The following CD276 variants were observed in gnomAD, a reference collection of about 807,000 sequenced individuals.
CD276 encodes CD276 molecule, also known as CD276 antigen.
Under a neutral mutation model 50.0 loss-of-function variants are expected in CD276, and 34 were observed. That is an observed-to-expected ratio of 0.68 (90% CI 0.52 to 0.91). CD276 has a LOEUF of 0.91. CD276 is among the 40% of genes least tolerant of loss of function. The pLI is 0.00. For missense variants in CD276, 634 were observed against 717.5 expected (o/e 0.88, Z 1.33); for synonymous variants, 275 against 313.0 (o/e 0.88, Z 1.28).
chr15:73,701,731 GA>G (rs1004138815), intron 2 of CD276, among the ~76,000 whole-genome samples: 2 of 150,056 alleles, frequency 1.3e-5, no homozygotes, highest in Non-Finnish European at 3.0e-5. Context: ...GTTAGGAAAA[GA>G]AAAAAAAAGA....
At chr15:73,698,549 T>C (rs1205846348) in intron 1 of CD276, among the ~76,000 whole-genome samples, 1 of 152,174 alleles carries the variant, frequency 6.6e-6, no homozygotes, top group Admixed American at 6.5e-5. Context: ...GGGATGGCTA[T>C]ATTAGCCTCT....
chr15:73,686,577 CA>C (rs1899775999), intron 1 of CD276, among the ~76,000 whole-genome samples: 1 of 152,162 alleles, frequency 6.6e-6, no homozygotes, highest in South Asian at 2.1e-4. Context: ...AGAATTCCAT[CA>C]TTAAACTTTG....
rs569324041 is a variant in CD276 at position 73,704,960 on chromosome 15, C to T, written c.1369+488C>T. On this transcript the variant is annotated intron_variant, in intron 6 of 9. Transcript: ENST00000318443. The surrounding 1 kb of genome is among the most constrained non-coding windows in gnomAD (Gnocchi z 4.1). The stretch of plus-strand genomic sequence containing the variant: ...CAGACTTGCGCTCCACCCAGGCAGC[C>T]GTTGGATGGGCAGGGGCTGTCTCTG... Among the ~76,000 whole-genome samples the T allele has an allele frequency of 3.0e-4, 45 of 152,304 alleles. No individual in the cohort carries two copies. The highest frequency in any genetic ancestry group is 1.4e-3 in the Admixed American group (21 of 15,300).
intron 3 of CD276, 87 bp from the exon 4 acceptor site, chr15:73,702,685 A>G: frequency 6.4e-7 from 1 of 1,556,546 alleles, no homozygotes; most frequent in South Asian, 1.2e-5. Context: ...CCAGAACCCC[A>G]GTGCTGATTC....
intron 6 of CD276, among the ~76,000 whole-genome samples, chr15:73,708,025 G>A (rs944889976): frequency 3.9e-5 from 6 of 152,206 alleles, no homozygotes; most frequent in Non-Finnish European, 7.3e-5. Flanking sequence ...CCAACTTCTA[G>A]AGGTCCTTGA....
intron 1 of CD276, among the ~76,000 whole-genome samples, chr15:73,694,120 C>T (rs1199884576): frequency 2.0e-5 from 3 of 152,170 alleles, no homozygotes; most frequent in Non-Finnish European, 4.4e-5. Flanking sequence ...GATCCATAGT[C>T]GAGCTCAGTA....
At chr15:73,709,935 C>T (rs968800374) in intron 8 of CD276, among the ~76,000 whole-genome samples, 1 of 152,158 alleles carries the variant, frequency 6.6e-6, no homozygotes, top group African/African-American at 2.4e-5. Context: ...CTGCCAGGGC[C>T]GATTCCACCT....
chr15:73,686,077 C>T (rs1899749823), intron 1 of CD276, among the ~76,000 whole-genome samples: 1 of 152,136 alleles, frequency 6.6e-6, no homozygotes, highest in Non-Finnish European at 1.5e-5. Context: ...TTTGGGTCAG[C>T]CCTGTGGACC....
At position 73,703,103 on chromosome 15, in the gene CD276, G is replaced by A. The variant is rs1396832388; in HGVS notation, c.733+17G>A. 2.6e-6 allele frequency: 4 copies of A among 1,559,058 alleles called. No individual in the cohort carries two copies. The highest frequency in any genetic ancestry group is 1.2e-5 in the South Asian group (1 of 85,788). On this transcript the variant is annotated intron_variant, in intron 4 of 9. Coordinates refer to ENST00000318443, the MANE Select transcript of CD276 (RefSeq NM_001024736.2). ...GCCCCACAGGTTGCTTTGCTTAAATGTCCCCTTGGGGGAGGGGGGTTCTGC... is the reference window on the plus strand; with the variant it reads ...GCCCCACAGGTTGCTTTGCTTAAATATCCCCTTGGGGGAGGGGGGTTCTGC...
intron 1 of CD276, among the ~76,000 whole-genome samples, chr15:73,691,588 C>T (rs1899990587): frequency 6.6e-6 from 1 of 152,172 alleles, no homozygotes. Flanking sequence ...GTAACATGCC[C>T]AGGCCCTAGG....
chr15:73,691,011 G>A (rs749336235), intron 1 of CD276, among the ~76,000 whole-genome samples: 1 of 115,294 alleles, frequency 8.7e-6, no homozygotes, highest in African/African-American at 2.8e-5. Flanking sequence ...CTGTTGTATA[G>A]AGTATAGATT....
chr15:73,699,459 G>A (rs1900292130), intron 1 of CD276, 127 bp from the exon 2 acceptor site: 3 of 1,262,556 alleles, frequency 2.4e-6, no homozygotes, highest in East Asian at 5.3e-5. Context: ...GGCCCGGTGG[G>A]ATATGGGAAT....
rs1281190428 is a variant in CD276, at chr15:73,704,452, A to G, written c.1349A>G (p.His450Arg). 2 of 1,613,426 alleles carry G rather than the reference A, an allele frequency of 1.2e-6. No homozygotes were observed. The highest frequency in any genetic ancestry group is 1.7e-5 in the Admixed American group (1 of 59,934). The change falls in exon 6 of 10, where the codon CAC (histidine) becomes CGC (arginine). Residue 450 changes from histidine (H) to arginine (R), a missense_variant. By Grantham distance (29) the His-to-Arg change is conservative (BLOSUM62 0). Coordinates refer to ENST00000318443, the MANE Select transcript of CD276 (RefSeq NM_001024736.2). The surrounding 1 kb of genome is among the most constrained non-coding windows in gnomAD (Gnocchi z 4.1). Reference protein sequence around the residue: ...VRNPVLQQDAHGSVTITGQPM... With the variant: ...VRNPVLQQDARGSVTITGQPM... Reference sequence around the variant, plus strand: ...AACCCCGTGCTGCAGCAGGATGCGCACGGCTCTGTCACCATCACAGGTAAG... The same window carrying G: ...AACCCCGTGCTGCAGCAGGATGCGCGCGGCTCTGTCACCATCACAGGTAAG...
At chr15:73,693,041 G>T (rs1181588168) in intron 1 of CD276, among the ~76,000 whole-genome samples, 2 of 152,172 alleles carry the variant, frequency 1.3e-5, no homozygotes, top group Non-Finnish European at 2.9e-5. Context: ...CAGCCCTGGG[G>T]ATGAGATGGG....
rs763468689 is a variant in CD276 at position 73,704,189 on chromosome 15, G to A, written c.1086G>A (p.Lys362=). Residue 362 remains lysine, a synonymous_variant, in exon 6 of 10, where the codon AAG becomes AAA. Transcript: ENST00000318443. The surrounding 1 kb of genome is among the most constrained non-coding windows in gnomAD (Gnocchi z 4.1). ...VSLQVAAPYS[K]PSMTLEPNKD... is the part of the protein sequence containing the mutation. Reference sequence around the variant, plus strand: ...TGTCACCTCCAGCTCCCTACTCGAAGCCCAGCATGACCCTGGAGCCCAACA... The same window carrying A: ...TGTCACCTCCAGCTCCCTACTCGAAACCCAGCATGACCCTGGAGCCCAACA... The A allele has an allele frequency of 5.0e-6, 8 of 1,612,508 alleles. No homozygotes were observed. The South Asian group carries it at 7.7e-5, about 16-fold the overall frequency.
intron 1 of CD276, among the ~76,000 whole-genome samples, chr15:73,692,576 CTA>C (rs1351946052): frequency 1.3e-5 from 2 of 152,126 alleles, no homozygotes; most frequent in African/African-American, 4.8e-5. Flanking sequence ...CAAAACTGGC[CTA>C]TGTTATTATT....
At position 73,684,457 on chromosome 15, in the gene CD276, C is replaced by G. The variant is rs1387953087; in HGVS notation, c.-58C>G. 2 of 152,242 alleles carry G rather than the reference C, an allele frequency of 1.3e-5. No individual in the cohort carries two copies. The highest frequency in any genetic ancestry group is 2.9e-5 in the Non-Finnish European group (2 of 68,246). The allele number at this position is 152,242 out of a possible 1,614,324, so 9.4% of individuals were successfully genotyped here. On this transcript the variant is annotated 5_prime_UTR_variant, in exon 1 of 10. Coordinates refer to ENST00000318443, the MANE Select transcript of CD276 (RefSeq NM_001024736.2). The stretch of plus-strand genomic sequence containing the variant: ...TCCCTGAGTCCCAGAGTCGGCGCGG[C>G]GCGGTGAGTGCTGGCGTGGCGCGGG...
At chr15:73,697,186 G>A (rs1463486345) in intron 1 of CD276, among the ~76,000 whole-genome samples, 1 of 152,184 alleles carries the variant, frequency 6.6e-6, no homozygotes, top group East Asian at 1.9e-4. Context: ...GAATGGAGCC[G>A]GGGAAGGCTG....
Position 73,684,417 on chromosome 15 carries a change from C to G in CD276, c.-98C>G, listed in dbSNP as rs1329970113. ...GGGCCTCGCTGCGGCGGCGACTGAG[C>G]CAGGCTGGGCCGCGTCCCTGAGTCC... On this transcript the variant is annotated 5_prime_UTR_variant, in exon 1 of 10. Coordinates refer to ENST00000318443, the MANE Select transcript of CD276 (RefSeq NM_001024736.2). 1 of 151,800 alleles carries G rather than the reference C, an allele frequency of 6.6e-6. No individual in the cohort carries two copies. The highest frequency in any genetic ancestry group is 2.4e-5 in the African/African-American group (1 of 41,344). 9.4% of individuals were successfully genotyped at this position (151,800 alleles called of 1,614,324 possible).
Sources: allele counts gnomAD v4.1 joint callset (sites outside exome capture counted in the v4.1 genomes callset), GRCh38; gene constraint gnomAD v4.1.1; non-coding constraint Gnocchi (gnomAD v3.1); transcripts MANE v1.5; gene names NCBI Gene and HGNC (gene_info 2026-07-23, HGNC 2026-07-21).